CCDC171: variants seen among roughly 807,000 people sequenced by gnomAD.
The protein encoded by CCDC171 is coiled-coil domain-containing protein 171.
CCDC171 carries 177 observed loss-of-function variants against 168.2 expected under a neutral mutation model. The ratio of observed to expected loss-of-function variants is 1.05; its 90% confidence interval spans 0.93 to 1.19. CCDC171 has a LOEUF of 1.19. Among genes scored for constraint, CCDC171 ranks in the 50% most tolerant of loss-of-function variants. The pLI is 0.00. For missense variants in CCDC171, 1,991 were observed against 1,539.0 expected, an observed-to-expected ratio of 1.29 and a Z score of -4.91; for synonymous variants, 687 against 540.8, an observed-to-expected ratio of 1.27 and a Z score of -3.75.
At chr9:15,800,730 A>T (rs1211019996) in intron 21 of CCDC171, among the ~76,000 whole-genome samples, 1 of 152,030 alleles carries the variant, frequency 6.6e-6, no homozygotes, top group Non-Finnish European at 1.5e-5. Context: ...TTCTTGTAGT[A>T]GTTTTATAGT....
chr9:15,624,832 A>G (rs1160353914), intron 7 of CCDC171, among the ~76,000 whole-genome samples: 2 of 152,200 alleles, frequency 1.3e-5, no homozygotes, highest in Non-Finnish European at 2.9e-5. Flanking sequence ...ATGCCCAGTA[A>G]TGGGATCACT....
chr9:15,813,069 T>C (rs562763481), intron 21 of CCDC171, among the ~76,000 whole-genome samples: 1 of 152,212 alleles, frequency 6.6e-6, no homozygotes, highest in East Asian at 1.9e-4. Context: ...GGGTATTTGG[T>C]GGCCAAAAAC....
the CCDC171 span, among the ~76,000 whole-genome samples, chr9:16,089,399 A>G: frequency 4.6e-5 from 7 of 151,872 alleles, no homozygotes; most frequent in African/African-American, 1.5e-4. Flanking sequence ...CCATCTGTCA[A>G]TTTTGGCTTT....
In CCDC171 at chr9:15,610,282, G is replaced by A. The variant is rs183751380; in HGVS notation, c.676-12985G>A. Among the ~76,000 whole-genome samples, 166 of 150,508 alleles carry A rather than the reference G, an allele frequency of 1.1e-3. 1 individual carries two copies. The highest frequency in any genetic ancestry group is 3.9e-3 in the Admixed American group (58 of 15,014). On this transcript the variant is annotated intron_variant, in intron 6 of 25. Coordinates refer to ENST00000380701, the MANE Select transcript of CCDC171 (RefSeq NM_173550.4). ...CTCTGCTGCAAAGGCTGGAAATGCA[G>A]TGGCTCGATCATGGCTCACTGCAGC...
At chr9:15,646,382 A>T (rs2047039320) in intron 7 of CCDC171, among the ~76,000 whole-genome samples, 2 of 152,194 alleles carry the variant, frequency 1.3e-5, no homozygotes, top group Admixed American at 6.5e-5. Context: ...TAATGACAGG[A>T]TCAAATTCAC....
At chr9:15,991,396 A>G (rs1303708350) in intron 3 of CCDC171, among the ~76,000 whole-genome samples, 2 of 149,472 alleles carry the variant, frequency 1.3e-5, no homozygotes, top group Non-Finnish European at 2.9e-5. Context: ...ACAAAGACAC[A>G]ACGTACCAGA....
chr9:16,035,086 A>C (rs1833438215), intron 6 of CCDC171, among the ~76,000 whole-genome samples: 1 of 152,146 alleles, frequency 6.6e-6, no homozygotes, highest in Non-Finnish European at 1.5e-5. Flanking sequence ...AATAAAGAAA[A>C]CTTAGGTAAA....
chr9:15,581,794 A>G (rs2041141883), intron 4 of CCDC171, among the ~76,000 whole-genome samples: 1 of 152,158 alleles, frequency 6.6e-6, no homozygotes, highest in South Asian at 2.1e-4. Flanking sequence ...GATGGATTAA[A>G]GACTTAAACG....
chr9:15,582,070 TAAAC>T (rs1490674363), intron 4 of CCDC171, among the ~76,000 whole-genome samples: 12 of 152,142 alleles, frequency 7.9e-5, no homozygotes, highest in African/African-American at 2.2e-4. Flanking sequence ...ACAAAGAACT[TAAAC>T]AAATTTACAA....
intron 25 of CCDC171, among the ~76,000 whole-genome samples, chr9:15,943,331 A>T (rs1827934380): frequency 6.6e-6 from 1 of 152,008 alleles, no homozygotes; most frequent in Non-Finnish European, 1.5e-5. Context: ...TATGATTTAG[A>T]ACTTATGAGA....
intron 4 of CCDC171, among the ~76,000 whole-genome samples, chr9:15,581,903 A>G (rs1031759762): frequency 6.6e-6 from 1 of 152,178 alleles, no homozygotes; most frequent in African/African-American, 2.4e-5. Context: ...ACCAAAAGCA[A>G]TGGCAACAAA....
intron 9 of CCDC171, among the ~76,000 whole-genome samples, chr9:15,677,798 C>CAT (rs1279581169): frequency 1.5e-5 from 2 of 135,130 alleles, no homozygotes; most frequent in African/African-American, 2.8e-5. Flanking sequence ...TACCCCATCT[C>CAT]ATATATATAC....
intron 25 of CCDC171, among the ~76,000 whole-genome samples, chr9:15,950,322 T>C (rs1828981759): frequency 6.6e-6 from 1 of 152,046 alleles, no homozygotes; most frequent in East Asian, 1.9e-4. Context: ...CACATAATTG[T>C]CTGATTCACC....
chr9:15,854,503 C>T, intron 23 of CCDC171, among the ~76,000 whole-genome samples: 1 of 151,366 alleles, frequency 6.6e-6, no homozygotes, highest in Non-Finnish European at 1.5e-5. Context: ...TAAGGCATGC[C>T]AATATTATTT....
intron 16 of CCDC171, among the ~76,000 whole-genome samples, chr9:15,732,579 A>C (rs1241485734): frequency 1.3e-5 from 2 of 152,152 alleles, no homozygotes; most frequent in Non-Finnish European, 2.9e-5. Context: ...ACTTTCACTT[A>C]GCAAAATATA....
intron 21 of CCDC171, among the ~76,000 whole-genome samples, chr9:15,792,079 A>G (rs1224586697): frequency 6.6e-6 from 1 of 152,238 alleles, no homozygotes; most frequent in Non-Finnish European, 1.5e-5. Context: ...CCTTGAAAAA[A>G]GGTTAGACGA....
intron 11 of CCDC171, among the ~76,000 whole-genome samples, chr9:15,714,063 C>G (rs1386018473): frequency 1.3e-5 from 2 of 152,078 alleles, no homozygotes; most frequent in Non-Finnish European, 2.9e-5. Flanking sequence ...ATTGCAGCAG[C>G]AATTGGAGTC....
At chr9:15,861,216 C>T (rs1346292553) in intron 23 of CCDC171, among the ~76,000 whole-genome samples, 1 of 148,506 alleles carries the variant, frequency 6.7e-6, no homozygotes, top group African/African-American at 2.5e-5. Context: ...ATAGTTGGAT[C>T]TTTTTTTTTT....
intron 25 of CCDC171, among the ~76,000 whole-genome samples, chr9:15,969,822 C>T (rs1207531101): frequency 2.0e-5 from 3 of 152,088 alleles, no homozygotes; most frequent in Admixed American, 6.5e-5. Context: ...CCAGTAATGA[C>T]ACTGCTAAAA....
Sources: gnomAD v4.1 joint callset for allele counts (sites outside exome capture counted in the v4.1 genomes callset) on GRCh38, gnomAD v4.1.1 for gene constraint, MANE v1.5 for transcripts, NCBI Gene and HGNC (gene_info 2026-07-23, HGNC 2026-07-21) for gene names.